ASB1: variants seen among roughly 807,000 people sequenced by gnomAD.
ASB1 encodes ankyrin repeat and SOCS box protein 1.
In ASB1, 18 loss-of-function variants were observed where a neutral mutation model predicts 27.7. The observed-to-expected ratio is 0.65, with a 90% CI of 0.45 to 0.96. The LOEUF (loss-of-function observed/expected upper bound fraction) is 0.96. ASB1 is among the 50% of genes least tolerant of loss of function. ASB1 has a pLI of 0.00. For synonymous variants in ASB1, 189 were observed against 187.6 expected, an observed-to-expected ratio of 1.01 and a Z score of -0.06; for missense variants, 397 against 451.7, an observed-to-expected ratio of 0.88 and a Z score of 1.10.
chr2:238,433,341 A>G, intron 1 of ASB1: 1 of 535,850 alleles, frequency 1.9e-6, no homozygotes, highest in Non-Finnish European at 3.3e-6. Flanking sequence ...GCCCAGGCTG[A>G]TCTTGAACTC....
intron 3 of ASB1, among the ~76,000 whole-genome samples, chr2:238,436,625 A>G (rs960388929): frequency 6.6e-6 from 1 of 152,150 alleles, no homozygotes; most frequent in Non-Finnish European, 1.5e-5. Context: ...TAGCCTCCTT[A>G]GTAGCTGACA....
At chr2:238,442,121 ATTTTTT>A (rs55633528) in intron 3 of ASB1, among the ~76,000 whole-genome samples, 1 of 142,012 alleles carries the variant, frequency 7.0e-6, no homozygotes, top group Non-Finnish European at 1.5e-5. Flanking sequence ...ATCTCTCTAA[ATTTTTT>A]TTTTTTTTTT....
intron 1 of ASB1, among the ~76,000 whole-genome samples, chr2:238,430,982 A>G (rs1192793992): frequency 6.6e-6 from 1 of 152,256 alleles, no homozygotes; most frequent in Non-Finnish European, 1.5e-5. Context: ...GGAATGGTGA[A>G]TGAACACTGA....
In ASB1 at chr2:238,450,573, T is replaced by A. The variant is rs1702263815; in HGVS notation, c.*4062T>A. 6.6e-6 allele frequency: 1 copy of A among 152,158 alleles called. No individual in the cohort carries two copies. The highest frequency in any genetic ancestry group is 2.1e-4 in the South Asian group (1 of 4,828). The allele number at this position is 152,158 out of a possible 1,614,324, so 9.4% of individuals were successfully genotyped here. On this transcript the variant is annotated 3_prime_UTR_variant, in exon 5 of 5. Coordinates refer to ENST00000264607, the MANE Select transcript of ASB1 (RefSeq NM_001040445.3). ...GTATTGGTGAGAAATTCCTCTTGGG[T>A]TCTTGAACAGCCTGTACGCTGGCAG... is the stretch of plus-strand genomic sequence containing the variant.
At chr2:238,427,305 C>T in intron 1 of ASB1, 186 bp downstream of exon 1, 1 of 391,038 alleles carries the variant, frequency 2.6e-6, no homozygotes, top group Non-Finnish European at 4.5e-6. Context: ...GACCCCACCA[C>T]GGACGCGCTG....
At chr2:238,446,343 G>T in intron 4 of ASB1, 41 bp from the exon 5 acceptor site, 1 of 1,547,766 alleles carries the variant, frequency 6.5e-7, no homozygotes, top group South Asian at 1.3e-5. Context: ...GGAATAGAAT[G>T]AACCTTCCTC....
At chr2:238,438,143 C>T (rs938201213) in intron 3 of ASB1, among the ~76,000 whole-genome samples, 2 of 149,532 alleles carry the variant, frequency 1.3e-5, no homozygotes, top group African/African-American at 4.9e-5. Context: ...TCATGATGCA[C>T]AACTGCTTTG....
rs1701910431 is a variant in ASB1 at position 238,433,593 on chromosome 2, A to G, written c.89A>G (p.Asp30Gly). ...LKEWLREQFC[D>G]HPLEHCEDTR... is the part of the protein sequence containing the mutation. ...GAGTGGCTGAGGGAGCAATTTTGTG[A>G]TCATCCGCTGGAGCACTGTGAGGAC... The change falls in exon 2 of 5, where the codon GAT (aspartate) becomes GGT (glycine). Residue 30 changes from aspartate (D) to glycine (G), a missense_variant. Physicochemically the swap from Asp to Gly is moderately conservative, Grantham distance 94. Coordinates refer to ENST00000264607, the MANE Select transcript of ASB1 (RefSeq NM_001040445.3). The G allele has an allele frequency of 6.2e-7, 1 of 1,614,088 alleles. No individual in the cohort carries two copies. The highest frequency in any genetic ancestry group is 8.5e-7 in the Non-Finnish European group (1 of 1,180,016).
rs1415950930 is a variant in ASB1 at position 238,436,008 on chromosome 2, C to T, written c.489C>T (p.Leu163=). ...GCCGGGCAGACATCCTGAAGGCCCT[C>T]ATCAGGCCAGTACTGTGGAGCTCGC... ...RVGRADILKA[L]IRYGADVDVN... is the part of the protein sequence containing the mutation. Residue 163 remains leucine (L), a synonymous_variant, in exon 3 of 5, where the codon CTC becomes CTT. Coordinates refer to ENST00000264607, the MANE Select transcript of ASB1 (RefSeq NM_001040445.3). 5 of 1,610,792 alleles carry T rather than the reference C, an allele frequency of 3.1e-6. No homozygotes were observed. Among genetic ancestry groups the T allele is most frequent in the Non-Finnish European group, 4.2e-6 (5 of 1,178,894 alleles).
At position 238,446,743 on chromosome 2, in the gene ASB1, C is replaced by T; in HGVS notation, c.*232C>T. 1.9e-6 allele frequency: 1 copy of T among 517,722 alleles called. No homozygotes were observed. The highest frequency in any genetic ancestry group is 2.1e-5 in the South Asian group (1 of 47,930). The allele number at this position is 517,722 out of a possible 1,614,324, so 32.1% of individuals were successfully genotyped here. On this transcript the variant is annotated 3_prime_UTR_variant, in exon 5 of 5. Coordinates refer to ENST00000264607, the MANE Select transcript of ASB1 (RefSeq NM_001040445.3). ...TATTGTTTTTCCCAAGTTCTCTGTTCTGGATTTTCAGTTGCATATTAATGT... is the reference window on the plus strand; with the variant it reads ...TATTGTTTTTCCCAAGTTCTCTGTTTTGGATTTTCAGTTGCATATTAATGT...
chr2:238,433,398 C>G lies in ASB1; in HGVS notation c.50-156C>G. The G allele has an allele frequency of 4.7e-6, 4 of 849,224 alleles. No homozygotes were observed. In the South Asian group the frequency reaches 5.2e-5, roughly 11 times the overall value. 52.6% of individuals were successfully genotyped at this position (849,224 alleles called of 1,614,324 possible). The stretch of plus-strand genomic sequence containing the variant: ...TCAGCCTCCTGAGTAGCTGGGATTA[C>G]AGGCGTGCCACCATGCCCAGCTTGT... On this transcript the variant is annotated intron_variant, in intron 1 of 4. Transcript: ENST00000264607.
Position 238,446,690 on chromosome 2 carries a change from T to C in ASB1, c.*179T>C. On this transcript the variant is annotated 3_prime_UTR_variant, in exon 5 of 5. Coordinates refer to ENST00000264607, the MANE Select transcript of ASB1 (RefSeq NM_001040445.3). ...CCGCTGAACAGTCCTTGGGTCATTGTCAGCTGAGAGGCTTATACTAAAGTT... is the reference window on the plus strand; with the variant it reads ...CCGCTGAACAGTCCTTGGGTCATTGCCAGCTGAGAGGCTTATACTAAAGTT... 1 of 689,690 alleles carries C rather than the reference T, an allele frequency of 1.4e-6. No homozygotes were observed. The highest frequency in any genetic ancestry group is 2.4e-6 in the Non-Finnish European group (1 of 411,186). 42.7% of individuals were successfully genotyped at this position (689,690 alleles called of 1,614,324 possible). A position where few individuals can be genotyped will look rare whatever the true frequency, so the allele number is the denominator to read the frequency against.
chr2:238,444,124 T>G (rs72987321), intron 3 of ASB1, among the ~76,000 whole-genome samples: 14,118 of 152,276 alleles, frequency 0.093, 749 homozygotes, highest in Non-Finnish European at 0.12. Flanking sequence ...GGACTTCCCT[T>G]AGGAATTTTT....
Position 238,452,232 on chromosome 2 carries a change from T to C in ASB1, c.*5721T>C, listed in dbSNP as rs1702300096. 6.6e-6 allele frequency: 1 copy of C among 152,196 alleles called. No individual in the cohort carries two copies. 9.4% of individuals were successfully genotyped at this position (152,196 alleles called of 1,614,324 possible). A position where few individuals can be genotyped will look rare whatever the true frequency, so the allele number is the denominator to read the frequency against. On this transcript the variant is annotated 3_prime_UTR_variant, in exon 5 of 5. Transcript: ENST00000264607. The stretch of plus-strand genomic sequence containing the variant: ...GGAATGAACGAATTAAATAAAGACA[T>C]GCATCCATCTGTCAGCGACTCCTTG...
chr2:238,433,436 G>A, intron 1 of ASB1, 118 bp from the exon 2 acceptor site: 1 of 1,230,668 alleles, frequency 8.1e-7, no homozygotes. Flanking sequence ...TTTATTTCTT[G>A]AGCATTTGAA....
At chr2:238,437,826 G>T (rs1372063477) in intron 3 of ASB1, among the ~76,000 whole-genome samples, 2 of 152,174 alleles carry the variant, frequency 1.3e-5, no homozygotes, top group Admixed American at 1.3e-4. Flanking sequence ...ACAGAATATG[G>T]TCTTTAAATT....
intron 3 of ASB1, among the ~76,000 whole-genome samples, chr2:238,440,782 A>C (rs1477250984): frequency 1.3e-5 from 2 of 152,206 alleles, no homozygotes; most frequent in African/African-American, 4.8e-5. Context: ...AGTCATTTAG[A>C]GATTGGCTTT....
intron 1 of ASB1, among the ~76,000 whole-genome samples, chr2:238,432,153 T>A (rs1177067336): frequency 6.6e-6 from 1 of 152,220 alleles, no homozygotes; most frequent in African/African-American, 2.4e-5. Context: ...TCTTTTTTAT[T>A]CTGATGAGTG....
chr2:238,435,601 G>A (rs1019440654), intron 2 of ASB1, 110 bp from the exon 3 acceptor site: 63 of 1,159,010 alleles, frequency 5.4e-5, no homozygotes, highest in African/African-American at 4.5e-4. Flanking sequence ...AGGTGGAGGC[G>A]TTATTAACCA....
Sources: gnomAD v4.1 joint callset for allele counts (sites outside exome capture counted in the v4.1 genomes callset) on GRCh38, gnomAD v4.1.1 for gene constraint, MANE v1.5 for transcripts, NCBI Gene and HGNC (gene_info 2026-07-23, HGNC 2026-07-21) for gene names.